The following ARHGEF12 variants were observed in gnomAD, a reference collection of about 807,000 sequenced individuals.
The protein encoded by ARHGEF12 is Rho guanine nucleotide exchange factor 12.
ARHGEF12 carries 66 observed loss-of-function variants against 211.2 expected under a neutral mutation model. That is an observed-to-expected ratio of 0.31 (90% CI 0.26 to 0.38). The LOEUF (loss-of-function observed/expected upper bound fraction) is 0.38, where lower values mean the gene tolerates loss of function less well. Ranked by LOEUF, ARHGEF12 falls within the 10% of genes least tolerant of loss-of-function variation. The pLI is 1.00. For synonymous variants in ARHGEF12, 592 were observed against 638.4 expected, an observed-to-expected ratio of 0.93 and a Z score of 1.09; for missense variants, 1,429 against 1,869.5, an observed-to-expected ratio of 0.76 and a Z score of 4.34.
At chr11:120,443,021 CTTTTTTT>C (rs371200953) in intron 15 of ARHGEF12, among the ~76,000 whole-genome samples, 3 of 133,700 alleles carry the variant, frequency 2.2e-5, no homozygotes, top group African/African-American at 5.6e-5. Flanking sequence ...GAGTGACTGT[CTTTTTTT>C]TTTTTTTTTT....
At chr11:120,370,918 T>C (rs866665929) in intron 1 of ARHGEF12, among the ~76,000 whole-genome samples, 9 of 152,210 alleles carry the variant, frequency 5.9e-5, no homozygotes, top group African/African-American at 2.2e-4. Flanking sequence ...TAGTGTGTTA[T>C]AGAGAAAAGT....
At chr11:120,423,957 A>G (rs1945271536) in intron 6 of ARHGEF12, among the ~76,000 whole-genome samples, 1 of 152,190 alleles carries the variant, frequency 6.6e-6, no homozygotes, top group Non-Finnish European at 1.5e-5. Context: ...CAAATTGAAT[A>G]TTGTGGAAAT....
chr11:120,373,421 T>C (rs547935688), intron 1 of ARHGEF12, among the ~76,000 whole-genome samples: 4 of 152,246 alleles, frequency 2.6e-5, no homozygotes, highest in Non-Finnish European at 4.4e-5. Context: ...TATAATATTA[T>C]GGCAGCAAAA....
At chr11:120,477,876 A>T (rs1488700996) in intron 36 of ARHGEF12, among the ~76,000 whole-genome samples, 1 of 144,550 alleles carries the variant, frequency 6.9e-6, no homozygotes, top group Non-Finnish European at 1.5e-5. Flanking sequence ...AAAAAAAAAG[A>T]AAAAAAGAAA....
chr11:120,408,761 A>G (rs1944792746), intron 3 of ARHGEF12: 1 of 152,088 alleles, frequency 6.6e-6, no homozygotes, highest in Non-Finnish European at 1.5e-5. Context: ...GGAAGCACAT[A>G]GATAATCATT....
intron 39 of ARHGEF12, among the ~76,000 whole-genome samples, chr11:120,484,035 G>A (rs937786418): frequency 3.9e-5 from 6 of 152,152 alleles, no homozygotes; most frequent in South Asian, 2.1e-4. Context: ...GATTACAGGC[G>A]TGAGCCACCA....
intron 1 of ARHGEF12, among the ~76,000 whole-genome samples, chr11:120,381,003 C>G (rs954903220): frequency 1.3e-5 from 2 of 152,174 alleles, no homozygotes; most frequent in African/African-American, 4.8e-5. Flanking sequence ...TGACGTGGTA[C>G]TAGAAGATGC....
chr11:120,361,319 G>C (rs1217994064), intron 1 of ARHGEF12, among the ~76,000 whole-genome samples: 1 of 152,188 alleles, frequency 6.6e-6, no homozygotes, highest in Non-Finnish European at 1.5e-5. Flanking sequence ...AACTGCACAT[G>C]TGAGGGATCT....
chr11:120,374,587 T>C (rs1475147692), intron 1 of ARHGEF12, among the ~76,000 whole-genome samples: 3 of 152,166 alleles, frequency 2.0e-5, no homozygotes, highest in Non-Finnish European at 4.4e-5. Context: ...CCTTACGGAT[T>C]TTAAATATGT....
chr11:120,427,958 C>T, intron 7 of ARHGEF12, 111 bp from the exon 8 acceptor site: 3 of 917,486 alleles, frequency 3.3e-6, no homozygotes, highest in Non-Finnish European at 4.7e-6. Flanking sequence ...GACTGTCTTA[C>T]ATAACTGGAT....
At chr11:120,352,895 A>T (rs1213513326) in intron 1 of ARHGEF12, among the ~76,000 whole-genome samples, 1 of 152,210 alleles carries the variant, frequency 6.6e-6, no homozygotes, top group Non-Finnish European at 1.5e-5. Context: ...CTGGGAAAGC[A>T]TGCCAGGGTC....
At chr11:120,393,738 C>T (rs997867700) in intron 1 of ARHGEF12, among the ~76,000 whole-genome samples, 4 of 152,076 alleles carry the variant, frequency 2.6e-5, no homozygotes, top group African/African-American at 9.7e-5. Flanking sequence ...TTTCAGTATC[C>T]GTTTTTCAGT....
chr11:120,475,570 G>T lies in ARHGEF12; in HGVS notation c.3277+63G>T, dbSNP rs1028561951. On this transcript the variant is annotated intron_variant, in intron 33 of 40. Transcript: ENST00000397843. The stretch of plus-strand genomic sequence containing the variant: ...CATTGTGAAGTTGCATAAGATACTC[G>T]GTGCTGTCTCAATAACACAAGTGGC... 134 of 1,531,846 alleles carry T rather than the reference G, an allele frequency of 8.7e-5. 1 individual carries two copies. In the South Asian group the frequency reaches 1.3e-3, roughly 15 times the overall value. The allele number at this position is 1,531,846 out of a possible 1,614,324, so 94.9% of individuals were successfully genotyped here. A position where few individuals can be genotyped will look rare whatever the true frequency, so the allele number is the denominator to read the frequency against.
At chr11:120,422,732 C>T (rs1945230239) in intron 6 of ARHGEF12, among the ~76,000 whole-genome samples, 1 of 152,082 alleles carries the variant, frequency 6.6e-6, no homozygotes. Flanking sequence ...ATTATTCTTC[C>T]AGATGAACTT....
intron 7 of ARHGEF12, among the ~76,000 whole-genome samples, chr11:120,427,691 A>T (rs1945388491): frequency 1.3e-5 from 2 of 152,058 alleles, no homozygotes; most frequent in Non-Finnish European, 1.5e-5. Context: ...AAGAAGATTT[A>T]AAAAATTTAC....
chr11:120,481,495 G>T lies in ARHGEF12; in HGVS notation c.4473G>T (p.Gln1491His). The T allele has an allele frequency of 6.2e-7, 1 of 1,614,194 alleles. No homozygotes were observed. Among genetic ancestry groups the T allele is most frequent in the East Asian group, 2.2e-5 (1 of 44,880 alleles). The change falls in exon 39 of 41, where the codon CAG becomes CAT. Residue 1491 changes from glutamine to histidine, a missense_variant. Gln to His is a conservative substitution (Grantham distance 24). Coordinates refer to ENST00000397843, the MANE Select transcript of ARHGEF12 (RefSeq NM_015313.3). The part of the protein sequence containing the change: ...GAMEYSCFEI[Q>H]SPSSCADSQS... ...TGGAGTATTCCTGTTTTGAGATCCA[G>T]AGTCCCTCCTCTTGTGCAGATTCAC... is the stretch of plus-strand genomic sequence containing the variant.
chr11:120,421,694 C>G, intron 5 of ARHGEF12, 109 bp from the exon 6 acceptor site: 1 of 1,024,086 alleles, frequency 9.8e-7, no homozygotes, highest in Non-Finnish European at 1.5e-6. Flanking sequence ...CCTCGGCCTC[C>G]CAAAGGACAG....
At chr11:120,379,257 T>G (rs939952362) in intron 1 of ARHGEF12, among the ~76,000 whole-genome samples, 2 of 152,002 alleles carry the variant, frequency 1.3e-5, no homozygotes, top group Non-Finnish European at 2.9e-5. Flanking sequence ...ATACAATTGA[T>G]TTTTCTATGT....
At position 120,469,187 on chromosome 11, in the gene ARHGEF12, A is replaced by G; in HGVS notation, c.2855-101A>G. The G allele has an allele frequency of 1.0e-5, 9 of 901,122 alleles. No homozygotes were observed. In the South Asian group the frequency reaches 1.5e-4, roughly 15 times the overall value. The allele number at this position is 901,122 out of a possible 1,614,324, so 55.8% of individuals were successfully genotyped here. On this transcript the variant is annotated intron_variant, in intron 29 of 40. Transcript: ENST00000397843. The stretch of plus-strand genomic sequence containing the variant: ...GTACAAAAATCTTCAAGGTCTTAAT[A>G]TGCTCTTAAAAGTATTGAAATGAAA...
Sources: allele counts gnomAD v4.1 joint callset (sites outside exome capture counted in the v4.1 genomes callset), GRCh38; gene constraint gnomAD v4.1.1; transcripts MANE v1.5; gene names NCBI Gene and HGNC (gene_info 2026-07-23, HGNC 2026-07-21).